TPH1: variants seen among roughly 807,000 people sequenced by gnomAD.
TPH1 encodes tryptophan 5-hydroxylase 1.
TPH1 carries 37 observed loss-of-function variants against 49.5 expected under a neutral mutation model. The ratio of observed to expected loss-of-function variants is 0.75; its 90% CI spans 0.58 to 0.98. The LOEUF is 0.98. Ranked by LOEUF, TPH1 falls within the 50% of genes least tolerant of loss-of-function variation. The pLI is 0.00. For synonymous variants in TPH1, 160 were observed against 182.1 expected, an observed-to-expected ratio of 0.88 and a Z score of 0.98; for missense variants, 487 against 523.6, an observed-to-expected ratio of 0.93 and a Z score of 0.68.
intron 8 of TPH1, among the ~76,000 whole-genome samples, chr11:18,024,263 A>G (rs1285862508): frequency 6.6e-6 from 1 of 152,212 alleles, no homozygotes; most frequent in Non-Finnish European, 1.5e-5. Context: ...AAAAATTAAA[A>G]CTGAGAGGAA....
At chr11:18,041,292 T>G (rs1370058779) in intron 1 of TPH1, 1 of 153,418 alleles carries the variant, frequency 6.5e-6, no homozygotes, top group Non-Finnish European at 1.4e-5. Flanking sequence ...TAGATACATA[T>G]GCACTAGATG....
In TPH1 at chr11:18,029,265, AG is replaced by A; in HGVS notation, c.566del (p.Ala189ValfsTer33). ...GTAAGTTTTTGAGATACTCTCTGCA[AG>A]CATGGGTTGGGTAGAGTTTGTTGAG... is the stretch of plus-strand genomic sequence containing the variant. The part of the protein sequence containing the change: ...QELNKLYPTH[A>X]CREYLKNLPL... On this transcript the variant is annotated frameshift_variant, in exon 6 of 11. Transcript: ENST00000682019. LOFTEE classifies it high-confidence loss of function. The A allele has an allele frequency of 6.2e-7, 1 of 1,614,048 alleles. No individual in the cohort carries two copies. The highest frequency in any genetic ancestry group is 8.5e-7 in the Non-Finnish European group (1 of 1,179,940).
At chr11:18,044,798 G>A (rs1848127338) in intron 1 of TPH1, among the ~76,000 whole-genome samples, 1 of 151,812 alleles carries the variant, frequency 6.6e-6, no homozygotes, top group African/African-American at 2.4e-5. Flanking sequence ...TACTAACCTG[G>A]TAAGATAAAA....
chr11:18,033,091 A>G (rs1404706322), intron 4 of TPH1, among the ~76,000 whole-genome samples, 183 bp downstream of exon 4: 4 of 152,104 alleles, frequency 2.6e-5, no homozygotes, highest in African/African-American at 9.7e-5. Flanking sequence ...CATCTCTACT[A>G]AAAATACAAA....
rs555334870 is a variant in TPH1 at position 18,043,573 on chromosome 11, T to C, written c.-27+2668A>G. 2.6e-5 allele frequency among the ~76,000 whole-genome samples: 4 copies of C among 152,230 alleles called. No individual in the cohort carries two copies. In the South Asian group the frequency reaches 8.3e-4, roughly 32 times the overall value. Reference sequence around the variant, plus strand: ...GGAGCAAGATCGTGTCGCTGCACTCTGGCAGGGCAGTAGAGTGAGACTCCG... The same window carrying C: ...GGAGCAAGATCGTGTCGCTGCACTCCGGCAGGGCAGTAGAGTGAGACTCCG... On this transcript the variant is annotated intron_variant, in intron 1 of 10. Transcript: ENST00000682019.
chr11:18,039,361 T>C (rs188319835), intron 2 of TPH1, among the ~76,000 whole-genome samples: 1 of 152,224 alleles, frequency 6.6e-6, no homozygotes, highest in Non-Finnish European at 1.5e-5. Flanking sequence ...TCATGAAGTG[T>C]GGAGAGATTA....
intron 4 of TPH1, among the ~76,000 whole-genome samples, chr11:18,030,436 T>C (rs1016666285): frequency 1.4e-5 from 2 of 140,398 alleles, no homozygotes; most frequent in Non-Finnish European, 3.1e-5. Flanking sequence ...AAAAAAAAAA[T>C]CAAAAATCAA....
intron 10 of TPH1, among the ~76,000 whole-genome samples, chr11:18,022,442 C>A (rs1273690392): frequency 6.6e-6 from 1 of 152,168 alleles, no homozygotes; most frequent in African/African-American, 2.4e-5. Flanking sequence ...ATGAATTGCT[C>A]TTGAATAAAA....
Position 18,019,892 on chromosome 11 carries a change from C to T in TPH1, c.*1099G>A. 1 of 378,676 alleles carries T rather than the reference C, an allele frequency of 2.6e-6. No individual in the cohort carries two copies. Among genetic ancestry groups the T allele is most frequent in the Non-Finnish European group, 5.2e-6 (1 of 192,318 alleles). 23.5% of individuals were successfully genotyped at this position (378,676 alleles called of 1,614,324 possible). ...GCAATCCTTACATTACTTACAGTCT[C>T]AGTCCTAAACCACTCTTCTTGACCT... is the stretch of plus-strand genomic sequence containing the variant. On this transcript the variant is annotated 3_prime_UTR_variant, in exon 11 of 11. Coordinates refer to ENST00000682019, the MANE Select transcript of TPH1 (RefSeq NM_004179.3).
chr11:18,029,462 C>T, intron 5 of TPH1, 50 bp downstream of exon 5: 4 of 1,561,164 alleles, frequency 2.6e-6, no homozygotes, highest in Non-Finnish European at 3.5e-6. Context: ...TTATTCTATT[C>T]ACTTATTTTA....
rs748679389 is a variant in TPH1, at chr11:18,021,026, C to T, written c.1300G>A (p.Ala434Thr). ...LQHDLDVVSD[A>T]LAKVSRKPSI ...GGCTTCCTGCTGACCTTAGCAAGGG[C>T]ATCACTGACAACATCGAGATCATGC... The change falls in exon 11 of 11, where the codon GCC becomes ACC. Residue 434 changes from alanine to threonine, a missense_variant. Coordinates refer to ENST00000682019, the MANE Select transcript of TPH1 (RefSeq NM_004179.3). 8.7e-6 allele frequency: 14 copies of T among 1,613,914 alleles called. No homozygotes were observed. Among genetic ancestry groups the T allele is most frequent in the East Asian group, 6.7e-5 (3 of 44,880 alleles).
chr11:18,040,740 T>G lies in TPH1; in HGVS notation c.23A>C (p.Asn8Thr). 6.2e-7 allele frequency: 1 copy of G among 1,612,380 alleles called. No individual in the cohort carries two copies. Among genetic ancestry groups the G allele is most frequent in the South Asian group, 1.1e-5 (1 of 90,990 alleles). Residue 8 changes from asparagine (N) to threonine (T), a missense_variant, in exon 2 of 11, where the codon AAC becomes ACC. By Grantham distance (65) the Asn-to-Thr change is moderately conservative (BLOSUM62 0). Coordinates refer to ENST00000682019, the MANE Select transcript of TPH1 (RefSeq NM_004179.3). MIEDNKE[N>T]KDHSLERGRA... ...TCCCCTTTCTAAGGAATGGTCTTTG[T>G]TCTCCTTATTGTCTTCAATCATGAT...
At chr11:18,034,223 C>T (rs1848021913) in intron 3 of TPH1, among the ~76,000 whole-genome samples, 1 of 152,164 alleles carries the variant, frequency 6.6e-6, no homozygotes, top group Non-Finnish European at 1.5e-5. Flanking sequence ...TGAACTATCT[C>T]GTCATCTATA....
intron 1 of TPH1, among the ~76,000 whole-genome samples, chr11:18,045,516 T>A (rs757058364): frequency 3.3e-5 from 5 of 150,910 alleles, no homozygotes; most frequent in Non-Finnish European, 7.4e-5. Flanking sequence ...AAACTTTTCC[T>A]GGGTTAGCAA....
intron 10 of TPH1, 109 bp from the exon 11 acceptor site, chr11:18,021,274 T>C: frequency 9.3e-7 from 1 of 1,072,140 alleles, no homozygotes; most frequent in Non-Finnish European, 1.4e-6. Context: ...AAATTCTTGT[T>C]AGATATGTGT....
Position 18,042,413 on chromosome 11 carries a change from T to C in TPH1, c.-26-1625A>G, listed in dbSNP as rs147883211. ...GACTTTTCTTATCAAACACAGAGTA[T>C]GGGCGACGTTGTCCTAAAGCGTGAA... On this transcript the variant is annotated intron_variant, in intron 1 of 10. Transcript: ENST00000682019. 6.6e-3 allele frequency: 2,967 copies of C among 450,736 alleles called. 22 individuals carry two copies. Among genetic ancestry groups the C allele is most frequent in the Non-Finnish European group, 9.0e-3 (2,020 of 225,332 alleles). The allele number at this position is 450,736 out of a possible 1,614,324, so 27.9% of individuals were successfully genotyped here. A position where few individuals can be genotyped will look rare whatever the true frequency, so the allele number is the denominator to read the frequency against.
At chr11:18,029,041 C>T (rs1200975027) in intron 6 of TPH1, 124 bp downstream of exon 6, 3 of 677,864 alleles carry the variant, frequency 4.4e-6, no homozygotes, top group Non-Finnish European at 7.2e-6. Context: ...GATGGCATCA[C>T]TGTACTCCAG....
At chr11:18,029,479 C>G (rs1847962482) in intron 5 of TPH1, 33 bp downstream of exon 5, 2 of 1,580,400 alleles carry the variant, frequency 1.3e-6, no homozygotes, top group Non-Finnish European at 1.7e-6. Context: ...TTTATTATCT[C>G]AAAGTTGACT....
intron 6 of TPH1, 139 bp downstream of exon 6, chr11:18,029,026 G>C: frequency 1.6e-6 from 1 of 624,018 alleles, no homozygotes; most frequent in Non-Finnish European, 2.7e-6. Context: ...GCTGCAGTGA[G>C]CCAAGATGGC....
Sources: gnomAD v4.1 joint callset for allele counts (sites outside exome capture counted in the v4.1 genomes callset) on GRCh38, gnomAD v4.1.1 for gene constraint, MANE v1.5 for transcripts, NCBI Gene and HGNC (gene_info 2026-07-23, HGNC 2026-07-21) for gene names.